The following IWS1 variants were observed in gnomAD, a reference collection of about 807,000 sequenced individuals.
The protein encoded by IWS1 is interacts with SUPT6H, CTD assembly factor 1, also known as protein IWS1 homolog.
A neutral mutation model predicts 86.7 loss-of-function variants in IWS1; 27 were observed. The observed-to-expected ratio is 0.31, with a 90% CI of 0.23 to 0.43. IWS1 has a LOEUF of 0.43. Ranked by LOEUF, IWS1 falls within the 20% of genes least tolerant of loss-of-function variation. The probability of loss-of-function intolerance (pLI) is 1.00; values close to 1 mark genes in which losing one functional copy is unlikely to be tolerated. For synonymous variants in IWS1, 313 were observed against 335.1 expected (o/e 0.93, Z 0.72); for missense variants, 827 against 1,000.8 (o/e 0.83, Z 2.34).
intron 2 of IWS1, among the ~76,000 whole-genome samples, chr2:127,515,865 C>T (rs1691737870): frequency 6.6e-6 from 1 of 152,196 alleles, no homozygotes; most frequent in Admixed American, 6.5e-5. Context: ...GGGCTTCCTT[C>T]CCAGGAAGAG....
chr2:127,522,902 A>T (rs1474957633), intron 2 of IWS1, among the ~76,000 whole-genome samples: 1 of 152,262 alleles, frequency 6.6e-6, no homozygotes, highest in Non-Finnish European at 1.5e-5. Context: ...TATTAAACAA[A>T]AACAGCTCTT....
chr2:127,523,507 C>T (rs1209449156), intron 2 of IWS1, among the ~76,000 whole-genome samples, 169 bp downstream of exon 2: 1 of 152,214 alleles, frequency 6.6e-6, no homozygotes, highest in African/African-American at 2.4e-5. Context: ...TCAACAGTAA[C>T]CAGACCATCC....
At position 127,480,933 on chromosome 2, in the gene IWS1, A is replaced by G; in HGVS notation, c.*111T>C. 8.5e-7 allele frequency: 1 copy of G among 1,181,174 alleles called. No homozygotes were observed. The highest frequency in any genetic ancestry group is 1.2e-6 in the Non-Finnish European group (1 of 845,718). The allele number at this position is 1,181,174 out of a possible 1,614,324, so 73.2% of individuals were successfully genotyped here. On this transcript the variant is annotated 3_prime_UTR_variant, in exon 14 of 14. Coordinates refer to ENST00000295321, the MANE Select transcript of IWS1 (RefSeq NM_017969.3). ...TGTGAGTCCTATGACAACATCTGAT[A>G]CACGCTGAACCATTTACAGACACAC...
chr2:127,506,905 C>G (rs1691178689), intron 2 of IWS1, among the ~76,000 whole-genome samples: 1 of 152,144 alleles, frequency 6.6e-6, no homozygotes, highest in South Asian at 2.1e-4. Context: ...AAAATACTAA[C>G]AAGTATTTTA....
chr2:127,517,794 A>G (rs1373435488), intron 2 of IWS1, among the ~76,000 whole-genome samples: 1 of 152,246 alleles, frequency 6.6e-6, no homozygotes, highest in Non-Finnish European at 1.5e-5. Flanking sequence ...AGCATTATTC[A>G]TAATACCAAA....
chr2:127,482,769 A>C (rs961901012), intron 13 of IWS1: 2 of 152,258 alleles, frequency 1.3e-5, no homozygotes, highest in African/African-American at 4.8e-5. Context: ...CAAGCTTGAA[A>C]AGACAGACCA....
chr2:127,523,870 G>T, intron 1 of IWS1, 79 bp from the exon 2 acceptor site: 1 of 975,378 alleles, frequency 1.0e-6, no homozygotes. Context: ...ACTGAATCAA[G>T]AATAACGTAA....
chr2:127,491,881 A>C, intron 10 of IWS1, 90 bp downstream of exon 10: 1 of 798,398 alleles, frequency 1.3e-6, no homozygotes, highest in Admixed American at 1.9e-5. Flanking sequence ...GTTTAAAACA[A>C]ATACTGGTAA....
At chr2:127,490,977 A>C (rs1328417169) in intron 10 of IWS1, 1 of 152,206 alleles carries the variant, frequency 6.6e-6, no homozygotes, top group Non-Finnish European at 1.5e-5. Context: ...TGAAGTTCTA[A>C]AAATTCCTTT....
At chr2:127,516,055 C>A (rs1008392327) in intron 2 of IWS1, among the ~76,000 whole-genome samples, 2 of 152,130 alleles carry the variant, frequency 1.3e-5, no homozygotes, top group Non-Finnish European at 2.9e-5. Context: ...CTTGGGCCGG[C>A]TTGTGAGACC....
chr2:127,494,450 CA>C, intron 8 of IWS1: 1 of 152,836 alleles, frequency 6.5e-6, no homozygotes, highest in Non-Finnish European at 1.5e-5. Flanking sequence ...TTTACCAGAC[CA>C]AAAACTGTCT....
chr2:127,503,225 G>A (rs1690911003), intron 4 of IWS1, among the ~76,000 whole-genome samples, 162 bp downstream of exon 4: 1 of 152,160 alleles, frequency 6.6e-6, no homozygotes, highest in Non-Finnish European at 1.5e-5. Flanking sequence ...ATTCTGAGAT[G>A]AATTCTGAGA....
chr2:127,501,932 CTTTT>C (rs1429930272), intron 5 of IWS1: 1 of 150,194 alleles, frequency 6.7e-6, no homozygotes, highest in African/African-American at 2.5e-5. Context: ...AATTTGCCTT[CTTTT>C]TGTTTGCTCT....
At chr2:127,511,667 T>C (rs1691461147) in intron 2 of IWS1, among the ~76,000 whole-genome samples, 1 of 152,142 alleles carries the variant, frequency 6.6e-6, no homozygotes. Context: ...ATCTTTTACC[T>C]GCAGCATAAA....
intron 13 of IWS1, chr2:127,485,999 T>C (rs911935289): frequency 1.3e-5 from 2 of 153,544 alleles, no homozygotes; most frequent in Non-Finnish European, 2.9e-5. Context: ...CTTATGCTTT[T>C]CCAATCGGCT....
intron 5 of IWS1, among the ~76,000 whole-genome samples, chr2:127,502,331 A>G (rs1219700539): frequency 6.6e-6 from 1 of 152,242 alleles, no homozygotes; most frequent in African/African-American, 2.4e-5. Context: ...GTAGCCTCTC[A>G]GCCTGACAGG....
intron 3 of IWS1, 24 bp downstream of exon 3, chr2:127,504,660 A>C (rs1691015836): frequency 2.6e-6 from 4 of 1,522,794 alleles, no homozygotes; most frequent in Non-Finnish European, 3.6e-6. Flanking sequence ...AGCCATTGAT[A>C]AACAGCCCAA....
At chr2:127,490,023 G>A in intron 10 of IWS1, 80 bp from the exon 11 acceptor site, 2 of 778,970 alleles carry the variant, frequency 2.6e-6, no homozygotes, top group South Asian at 1.4e-5. Context: ...CCCAGTGTGA[G>A]GGGATATTCT....
rs138202208 is a variant in IWS1, at chr2:127,525,641, C to A, written c.34+534G>T. Among the ~76,000 whole-genome samples, 1,462 of 152,260 alleles carry A rather than the reference C, an allele frequency of 9.6e-3. 29 individuals carry two copies. Among genetic ancestry groups the A allele is most frequent in the African/African-American group, 0.033 (1,385 of 41,530 alleles). The stretch of plus-strand genomic sequence containing the variant: ...CAAACAGTAAAGAAAGGAGACCAAA[C>A]TTCGGTGAGGAGGAAGAGGAACGAT... On this transcript the variant is annotated intron_variant, in intron 1 of 13. Transcript: ENST00000295321.
Sources: gnomAD v4.1 joint callset for allele counts (sites outside exome capture counted in the v4.1 genomes callset) on GRCh38, gnomAD v4.1.1 for gene constraint, MANE v1.5 for transcripts, NCBI Gene and HGNC (gene_info 2026-07-23, HGNC 2026-07-21) for gene names.